PCNX2: variants seen among roughly 807,000 people sequenced by gnomAD.
PCNX2 encodes the protein pecanex-like protein 2.
Under a neutral mutation model 223.8 loss-of-function variants are expected in PCNX2, and 168 were observed. That is an observed-to-expected ratio of 0.75 (90% CI 0.66 to 0.85). The LOEUF (loss-of-function observed/expected upper bound fraction) is 0.85. PCNX2 is among the 40% of genes least tolerant of loss of function. The probability of loss-of-function intolerance (pLI) is 0.00; values close to 1 mark genes in which losing one functional copy is unlikely to be tolerated. For missense variants in PCNX2, 2,507 were observed against 2,675.5 expected (o/e 0.94, Z 1.39); for synonymous variants, 1,006 against 1,052.6 (o/e 0.96, Z 0.86).
At position 233,258,567 on chromosome 1, in the gene PCNX2, G is replaced by T. The variant is rs907406416; in HGVS notation, c.1295C>A (p.Thr432Asn). 6.2e-7 allele frequency: 1 copy of T among 1,613,986 alleles called. No homozygotes were observed. Among genetic ancestry groups the T allele is most frequent in the Non-Finnish European group, 8.5e-7 (1 of 1,179,894 alleles). ...NAEQISIPVI[T>N]LDLPEGGGGG... ...TCCCCCACCCTCAGGCAGGTCCAGGGTGATTACAGGAATTGAGATCTGCTC... is the reference window on the plus strand; with the variant it reads ...TCCCCCACCCTCAGGCAGGTCCAGGTTGATTACAGGAATTGAGATCTGCTC... The change falls in exon 5 of 34, where the codon ACC becomes AAC. Residue 432 changes from threonine (T) to asparagine (N), a missense_variant. Coordinates refer to ENST00000258229, the MANE Select transcript of PCNX2 (RefSeq NM_014801.4).
rs572773329 is a variant in PCNX2, at chr1:233,172,666, G to A, written c.3273+5136C>T. 8.1e-6 allele frequency: 4 copies of A among 494,874 alleles called. No homozygotes were observed. The African/African-American group carries it at 8.3e-5, about 10-fold the overall frequency. The allele number at this position is 494,874 out of a possible 1,614,324, so 30.7% of individuals were successfully genotyped here. On this transcript the variant is annotated intron_variant, in intron 17 of 33. Transcript: ENST00000258229. ...ACAAGGCTTAAGGTCCCCAGGTTGG[G>A]CAAATGCTCTTGGGGCAAAAGCAGC...
At position 233,072,028 on chromosome 1, in the gene PCNX2, A is replaced by G. The variant is rs564124466; in HGVS notation, c.4077-14738T>C. On this transcript the variant is annotated intron_variant, in intron 23 of 33. Transcript: ENST00000258229. ...TTGTAAATTTGTTTCAGTTCCTTAT[A>G]GATGCTGGATATTAGACCTTTGTCA... Among the ~76,000 whole-genome samples the G allele has an allele frequency of 4.6e-5, 7 of 152,316 alleles. No homozygotes were observed. In the South Asian group the frequency reaches 1.4e-3, roughly 32 times the overall value.
intron 21 of PCNX2, among the ~76,000 whole-genome samples, chr1:233,121,830 G>A (rs1675813515): frequency 6.6e-6 from 1 of 152,156 alleles, no homozygotes; most frequent in African/African-American, 2.4e-5. Context: ...CAGACATACA[G>A]ACATATTTCT....
chr1:233,294,038 T>C, intron 1 of PCNX2: 1 of 966,592 alleles, frequency 1.0e-6, no homozygotes, highest in Non-Finnish European at 1.2e-6. Context: ...TTAATGCTTT[T>C]TATATATAAT....
At chr1:233,229,341 T>A (rs1657924183) in intron 9 of PCNX2, among the ~76,000 whole-genome samples, 1 of 152,166 alleles carries the variant, frequency 6.6e-6, no homozygotes, top group African/African-American at 2.4e-5. Flanking sequence ...AAAGTTGAGA[T>A]TGTAAGTGCT....
At chr1:233,023,091 C>G (rs536153848) in intron 26 of PCNX2, among the ~76,000 whole-genome samples, 1 of 152,172 alleles carries the variant, frequency 6.6e-6, no homozygotes, top group Admixed American at 6.5e-5. Flanking sequence ...CTCACTGCCC[C>G]CTTCCAGCCA....
chr1:233,057,536 G>C (rs1351496295), intron 23 of PCNX2: 9 of 424,764 alleles, frequency 2.1e-5, no homozygotes, highest in African/African-American at 4.0e-5. Flanking sequence ...GAACGGTCTT[G>C]TGTCTTAATC....
intron 1 of PCNX2, among the ~76,000 whole-genome samples, chr1:233,294,655 A>AT: frequency 6.6e-6 from 1 of 152,268 alleles, no homozygotes; most frequent in East Asian, 1.9e-4. Flanking sequence ...TTAATTACGT[A>AT]TAATTTACCT....
intron 25 of PCNX2, among the ~76,000 whole-genome samples, chr1:233,052,689 C>T (rs72762021): frequency 0.18 from 27,306 of 152,120 alleles, 2,766 homozygotes; most frequent in East Asian, 0.33. Flanking sequence ...GGCTTCATTT[C>T]TGTATTCTTG....
chr1:233,011,666 G>A (rs938854173), intron 28 of PCNX2, among the ~76,000 whole-genome samples: 17 of 152,060 alleles, frequency 1.1e-4, no homozygotes, highest in African/African-American at 2.4e-4. Context: ...AGTTCTGGGA[G>A]CTTCTAGAGA....
At position 233,261,277 on chromosome 1, in the gene PCNX2, C is replaced by T. The variant is rs746845524; in HGVS notation, c.517+8G>A. On this transcript the variant is annotated splice_region_variant and intron_variant, in intron 4 of 33. Transcript: ENST00000258229. Reference sequence around the variant, plus strand: ...GCTGTGATAAAATATAAATGATTAACAGTTTACCTTTGAGATCTTCTACAG... The same window carrying T: ...GCTGTGATAAAATATAAATGATTAATAGTTTACCTTTGAGATCTTCTACAG... 3 of 1,605,416 alleles carry T rather than the reference C, an allele frequency of 1.9e-6. No homozygotes were observed. Among genetic ancestry groups the T allele is most frequent in the Admixed American group, 3.3e-5 (2 of 59,926 alleles).
At chr1:233,112,586 T>C (rs910334805) in intron 21 of PCNX2, among the ~76,000 whole-genome samples, 2 of 152,232 alleles carry the variant, frequency 1.3e-5, no homozygotes, top group African/African-American at 2.4e-5. Context: ...CCAGAGGGAC[T>C]GCAACATTTA....
At chr1:233,182,732 C>T (rs1679875298) in intron 15 of PCNX2, among the ~76,000 whole-genome samples, 1 of 135,128 alleles carries the variant, frequency 7.4e-6, no homozygotes, top group Non-Finnish European at 1.6e-5. Flanking sequence ...GTCCTGACTC[C>T]ATTCCATTCC....
chr1:233,071,205 T>C (rs1672840081), intron 23 of PCNX2, among the ~76,000 whole-genome samples: 1 of 152,178 alleles, frequency 6.6e-6, no homozygotes, highest in Non-Finnish European at 1.5e-5. Flanking sequence ...ATACGCAGAC[T>C]TGTCATATAG....
chr1:233,131,825 A>G (rs1289835181), intron 21 of PCNX2, among the ~76,000 whole-genome samples: 1 of 152,210 alleles, frequency 6.6e-6, no homozygotes, highest in Non-Finnish European at 1.5e-5. Flanking sequence ...AAAATAAGAA[A>G]GCTGCCACTC....
chr1:233,049,710 T>C (rs1328297983), intron 25 of PCNX2, among the ~76,000 whole-genome samples: 1 of 152,138 alleles, frequency 6.6e-6, no homozygotes, highest in East Asian at 1.9e-4. Context: ...AGAGAACCCT[T>C]AAAGACTCTG....
Position 233,258,444 on chromosome 1 carries a change from C to T in PCNX2, c.1418G>A (p.Gly473Glu). The change falls in exon 5 of 34, where the codon GGG (glycine) becomes GAG (glutamate). Residue 473 changes from glycine to glutamate, a missense_variant. Transcript: ENST00000258229. ...STNQCSGYGSGEGGNAIKDHS... is the reference protein window; with the variant it reads ...STNQCSGYGSEEGGNAIKDHS... ...ATCCTTGATGGCATTTCCCCCCTCC[C>T]CAGATCCGTAGCCAGAACACTGATT... is the stretch of plus-strand genomic sequence containing the variant. 1 of 1,613,954 alleles carries T rather than the reference C, an allele frequency of 6.2e-7. No individual in the cohort carries two copies.
the PCNX2 span, among the ~76,000 whole-genome samples, chr1:233,312,102 T>C: frequency 6.6e-6 from 1 of 152,062 alleles, no homozygotes; most frequent in African/African-American, 2.4e-5. Flanking sequence ...CACTCCAGCC[T>C]GGGCTACAGA....
chr1:233,294,169 T>C (rs1049222418), intron 1 of PCNX2, among the ~76,000 whole-genome samples: 9 of 152,164 alleles, frequency 5.9e-5, no homozygotes, highest in Non-Finnish European at 8.8e-5. Context: ...CAGAACAGAA[T>C]TGTAAACCCA....
Sources: gnomAD v4.1 joint callset for allele counts (sites outside exome capture counted in the v4.1 genomes callset) on GRCh38, gnomAD v4.1.1 for gene constraint, MANE v1.5 for transcripts, NCBI Gene and HGNC (gene_info 2026-07-23, HGNC 2026-07-21) for gene names.